The following STON2 variants were observed in gnomAD, a reference collection of about 807,000 sequenced individuals.
STON2 encodes the protein stonin 2.
In STON2, 29 loss-of-function variants were observed where a neutral mutation model predicts 65.7. The observed-to-expected ratio is 0.44, with a 90% CI of 0.33 to 0.60. The LOEUF is 0.60. Among genes scored for constraint, STON2 ranks in the 20% least tolerant of loss-of-function variants. The probability of loss-of-function intolerance (pLI) is 0.03; values close to 1 mark genes in which losing one functional copy is unlikely to be tolerated. For synonymous variants in STON2, 404 were observed against 414.2 expected (o/e 0.98, Z 0.30); for missense variants, 1,054 against 1,118.1 (o/e 0.94, Z 0.82).
In STON2 at chr14:81,267,529, T is replaced by C; in HGVS notation, c.*885A>G. The C allele has an allele frequency of 1.0e-6, 1 of 985,308 alleles. No homozygotes were observed. Among genetic ancestry groups the C allele is most frequent in the African/African-American group, 1.7e-5 (1 of 57,346 alleles). The allele number at this position is 985,308 out of a possible 1,614,324, so 61.0% of individuals were successfully genotyped here. On this transcript the variant is annotated 3_prime_UTR_variant, in exon 8 of 8. Coordinates refer to ENST00000614646, the MANE Select transcript of STON2 (RefSeq NM_001394390.1). ...CCCCTTACAAATGCCTCAGGTATTA[T>C]GTATATTTGTTTCAGGAATCAGAAG...
intron 2 of STON2, chr14:81,418,086 T>G (rs930422337): frequency 4.6e-5 from 7 of 152,184 alleles, no homozygotes; most frequent in African/African-American, 1.7e-4. Flanking sequence ...AGAAGGAAAG[T>G]GTATTAGTCC....
chr14:81,343,576 G>A (rs1282142845), intron 4 of STON2, among the ~76,000 whole-genome samples: 2 of 152,036 alleles, frequency 1.3e-5, no homozygotes, highest in Non-Finnish European at 2.9e-5. Flanking sequence ...AAGAATAAAA[G>A]AAACCGCCTT....
chr14:81,263,430 C>T lies in STON2; in HGVS notation c.*4984G>A, dbSNP rs542833765. On this transcript the variant is annotated 3_prime_UTR_variant, in exon 8 of 8. Transcript: ENST00000614646. The stretch of plus-strand genomic sequence containing the variant: ...GCACATGCCTGTAGTCCCAGCTACT[C>T]GGGAGGTTGAGGCAGGAGAATCACT... Among the ~76,000 whole-genome samples the T allele has an allele frequency of 7.8e-4, 110 of 140,834 alleles. No homozygotes were observed. Among genetic ancestry groups the T allele is most frequent in the Non-Finnish European group, 8.8e-4 (58 of 66,068 alleles). The allele number at this position is 140,834 out of a possible 152,430, so 92.4% of individuals were successfully genotyped here. A position where few individuals can be genotyped will look rare whatever the true frequency, so the allele number is the denominator to read the frequency against.
At chr14:81,289,881 G>A (rs1220855100) in intron 5 of STON2, among the ~76,000 whole-genome samples, 1 of 152,164 alleles carries the variant, frequency 6.6e-6, no homozygotes, top group Non-Finnish European at 1.5e-5. Context: ...AAGGGCAAGG[G>A]CTTGATTATC....
chr14:81,341,727 G>A (rs1375654639), intron 4 of STON2, among the ~76,000 whole-genome samples: 2 of 152,068 alleles, frequency 1.3e-5, no homozygotes, highest in Non-Finnish European at 2.9e-5. Flanking sequence ...TGTAACAAAA[G>A]TTCTGCCAAT....
At chr14:81,320,129 C>T (rs1469929489) in intron 5 of STON2, among the ~76,000 whole-genome samples, 1 of 152,028 alleles carries the variant, frequency 6.6e-6, no homozygotes, top group Non-Finnish European at 1.5e-5. Context: ...GTCACTGTCA[C>T]CTGGGGTGAT....
chr14:81,271,399 G>T (rs574938559), intron 6 of STON2, among the ~76,000 whole-genome samples: 1 of 152,306 alleles, frequency 6.6e-6, no homozygotes, highest in Admixed American at 6.5e-5. Context: ...ATAGCACATA[G>T]ATATTAGGGA....
rs187332566 is a variant in STON2, at chr14:81,281,896, A to T, written c.743-3157T>A. Among the ~76,000 whole-genome samples, 1,096 of 152,250 alleles carry T rather than the reference A, an allele frequency of 7.2e-3. 6 individuals are homozygous for T. The highest frequency in any genetic ancestry group is 0.013 in the Admixed American group (201 of 15,296). On this transcript the variant is annotated intron_variant, in intron 5 of 7. Coordinates refer to ENST00000614646, the MANE Select transcript of STON2 (RefSeq NM_001394390.1). ...TCTGACAGTCATTAAAAAATATCAA[A>T]AGACTTTGTTACAAAATTATCTTCC... is the stretch of plus-strand genomic sequence containing the variant.
chr14:81,314,911 C>T (rs113052479), intron 5 of STON2, among the ~76,000 whole-genome samples: 36 of 152,196 alleles, frequency 2.4e-4, no homozygotes, highest in African/African-American at 7.7e-4. Flanking sequence ...AGTGAAGTGG[C>T]ATGGCTCACT....
chr14:81,265,350 T>C lies in STON2; in HGVS notation c.*3064A>G. The C allele has an allele frequency of 6.1e-6, 6 of 984,418 alleles. No homozygotes were observed. Among genetic ancestry groups the C allele is most frequent in the Non-Finnish European group, 7.2e-6 (6 of 829,026 alleles). The allele number at this position is 984,418 out of a possible 1,614,324, so 61.0% of individuals were successfully genotyped here. On this transcript the variant is annotated 3_prime_UTR_variant, in exon 8 of 8. Coordinates refer to ENST00000614646, the MANE Select transcript of STON2 (RefSeq NM_001394390.1). ...TTGATGAAATTAAGATGTTAGGTTT[T>C]TAAAAATTAATAATAATTTGTGGGT...
chr14:81,374,665 T>C (rs1473549819), intron 3 of STON2, among the ~76,000 whole-genome samples: 1 of 151,998 alleles, frequency 6.6e-6, no homozygotes, highest in Non-Finnish European at 1.5e-5. Flanking sequence ...AATATGCTAC[T>C]GTAAATACAA....
At chr14:81,291,496 C>T (rs550899016) in intron 5 of STON2, among the ~76,000 whole-genome samples, 16 of 152,170 alleles carry the variant, frequency 1.1e-4, no homozygotes, top group Non-Finnish European at 2.1e-4. Context: ...CAAAGTGGAA[C>T]AGTAGACTTA....
intron 5 of STON2, among the ~76,000 whole-genome samples, chr14:81,314,311 G>A (rs1236803214): frequency 1.3e-5 from 2 of 152,218 alleles, no homozygotes; most frequent in Non-Finnish European, 2.9e-5. Context: ...CAAACTTCAA[G>A]GCAGTGATGG....
rs561746012 is a variant in STON2 at position 81,419,871 on chromosome 14, T to C, written c.-199+7231A>G. 6.6e-5 allele frequency among the ~76,000 whole-genome samples: 10 copies of C among 151,796 alleles called. No homozygotes were observed. In the South Asian group the frequency reaches 2.1e-3, roughly 32 times the overall value. ...TAGGGAAAGCAAACATAAGACGGAG[T>C]GGGCCTAAACTGGCCATGGCTTCAC... On this transcript the variant is annotated intron_variant, in intron 2 of 8. Coordinates refer to the STON2 transcript ENST00000553821.
intron 5 of STON2, among the ~76,000 whole-genome samples, chr14:81,317,801 T>C (rs535871395): frequency 6.6e-6 from 1 of 152,230 alleles, no homozygotes; most frequent in Non-Finnish European, 1.5e-5. Context: ...CTCCTGGAAC[T>C]GGGAAGTGGA....
In STON2 at chr14:81,400,323, C is replaced by T. The variant is rs1479927060; in HGVS notation, c.-243G>A. Among the ~76,000 whole-genome samples, 1 of 152,138 alleles carries T rather than the reference C, an allele frequency of 6.6e-6. No individual in the cohort carries two copies. The highest frequency in any genetic ancestry group is 2.4e-5 in the African/African-American group (1 of 41,438). On this transcript the variant is annotated 5_prime_UTR_variant, in exon 1 of 8. In the 5' UTR this introduces an upstream ATG that the reference lacks. Coordinates refer to ENST00000614646, the MANE Select transcript of STON2 (RefSeq NM_001394390.1). ...CACAAGCACAAAGAGCTGATTCCCA[C>T]TGGCTTCTGCCTTTGACGACTTTCT...
At chr14:81,289,957 A>C (rs761489454) in intron 5 of STON2, among the ~76,000 whole-genome samples, 2 of 152,212 alleles carry the variant, frequency 1.3e-5, no homozygotes, top group Non-Finnish European at 2.9e-5. Context: ...CAAGTGGCCA[A>C]ATGAAATAAA....
chr14:81,352,934 A>G (rs532835188), intron 4 of STON2, among the ~76,000 whole-genome samples: 7 of 152,208 alleles, frequency 4.6e-5, no homozygotes, highest in Non-Finnish European at 1.0e-4. Flanking sequence ...AACCACAAGA[A>G]TATATTTCAA....
At chr14:81,356,966 T>C (rs1898265800) in intron 4 of STON2, among the ~76,000 whole-genome samples, 1 of 152,248 alleles carries the variant, frequency 6.6e-6, no homozygotes, top group Non-Finnish European at 1.5e-5. Flanking sequence ...CCAGCTCCAT[T>C]ACCATTTCAG....
Sources: allele counts gnomAD v4.1 joint callset (sites outside exome capture counted in the v4.1 genomes callset), GRCh38; gene constraint gnomAD v4.1.1; transcripts MANE v1.5; gene names NCBI Gene and HGNC (gene_info 2026-07-23, HGNC 2026-07-21).